The following KIF1A variants were observed in gnomAD, a reference collection of about 807,000 sequenced individuals.
KIF1A encodes the protein kinesin family member 1A, also known as kinesin-like protein KIF1A.
KIF1A carries 46 observed loss-of-function variants against 227.3 expected under a neutral mutation model. That is an observed-to-expected ratio of 0.20 (90% CI 0.16 to 0.26). The LOEUF is 0.26. KIF1A is among the 10% of genes least tolerant of loss of function. KIF1A has a pLI of 1.00. For missense variants in KIF1A, 1,683 were observed against 2,485.9 expected (o/e 0.68, Z 6.87); for synonymous variants, 1,022 against 1,012.8 (o/e 1.01, Z -0.17).
In KIF1A at chr2:240,724,021, A is replaced by T. The variant is rs1441656916; in HGVS notation, c.4272T>A (p.Gly1424=). The T allele has an allele frequency of 1.2e-6, 2 of 1,612,486 alleles. No homozygotes were observed. The highest frequency in any genetic ancestry group is 1.3e-5 in the African/African-American group (1 of 74,924). ...CGTGGCACAGGCTGAGCTCGTACAC[A>T]CCAGTCACACGGTTACTGTGGGGAG... ...LRASESNRVT[G]VYELSLCHVA... The change falls in exon 41 of 49, where the codon GGT becomes GGA. Residue 1424 remains glycine (G), a synonymous_variant. Transcript: ENST00000498729.
chr2:240,784,920 G>T, intron 7 of KIF1A, 69 bp downstream of exon 7: 3 of 1,316,878 alleles, frequency 2.3e-6, no homozygotes, highest in South Asian at 1.2e-5. Flanking sequence ...CCACTGGCCT[G>T]ACCACCACCC....
At chr2:240,756,301 A>C (rs2049843276) in intron 27 of KIF1A, among the ~76,000 whole-genome samples, 1 of 152,242 alleles carries the variant, frequency 6.6e-6, no homozygotes, top group Non-Finnish European at 1.5e-5. Flanking sequence ...ATCTTATGAC[A>C]TTCATATATG....
intron 1 of KIF1A, among the ~76,000 whole-genome samples, chr2:240,816,488 G>C (rs2058335700): frequency 6.6e-6 from 1 of 152,098 alleles, no homozygotes; most frequent in East Asian, 1.9e-4. Flanking sequence ...TAAGCACGAG[G>C]ATGCCTGGAG....
rs755392068 is a variant in KIF1A, at chr2:240,737,054, C to T, written c.4007+9G>A. On this transcript the variant is annotated intron_variant, in intron 38 of 48. Transcript: ENST00000498729. Reference sequence around the variant, plus strand: ...CCTGGGCCCTGTCTCCAGGGAGTCTCCGACTCACCGGTCATCTTGGGCTGG... The same window carrying T: ...CCTGGGCCCTGTCTCCAGGGAGTCTTCGACTCACCGGTCATCTTGGGCTGG... The T allele has an allele frequency of 6.2e-6, 10 of 1,605,358 alleles. No homozygotes were observed. The highest frequency in any genetic ancestry group is 8.5e-6 in the Non-Finnish European group (10 of 1,172,332).
intron 14 of KIF1A, chr2:240,771,379 C>A: frequency 2.0e-6 from 1 of 510,648 alleles, no homozygotes; most frequent in South Asian, 2.1e-5. Flanking sequence ...ACGGGGCCAG[C>A]AGTGGCGCGC....
chr2:240,721,012 G>A lies in KIF1A; in HGVS notation c.4770C>T (p.Leu1590=), dbSNP rs779877210. 5 of 1,611,654 alleles carry A rather than the reference G, an allele frequency of 3.1e-6. No individual in the cohort carries two copies. In the South Asian group the frequency reaches 4.4e-5, roughly 14 times the overall value. ...SKLSEMSVTL[L]RDPSMSPLGV... is the part of the protein sequence containing the mutation. ...CTAGAGGGGACATCGACGGGTCCCG[G>A]AGCAGGGTGACAGACATCTCGGAGA... The change falls in exon 45 of 49, where the codon CTC becomes CTT. Residue 1590 remains leucine, a synonymous_variant. Transcript: ENST00000498729.
At chr2:240,773,384 A>G in intron 12 of KIF1A, 128 bp from the exon 13 acceptor site, 1 of 1,108,700 alleles carries the variant, frequency 9.0e-7, no homozygotes, top group Non-Finnish European at 1.3e-6. Flanking sequence ...GGTGGACCTG[A>G]GCCAGCACAG....
chr2:240,729,735 TAG>T (rs1213246761), intron 38 of KIF1A, among the ~76,000 whole-genome samples: 1 of 152,238 alleles, frequency 6.6e-6, no homozygotes, highest in Non-Finnish European at 1.5e-5. Flanking sequence ...CCCAGTGGAC[TAG>T]AATCTCTCTG....
chr2:240,740,089 G>A lies in KIF1A; in HGVS notation c.3870C>T (p.Ile1290=). 6.3e-7 allele frequency: 1 copy of A among 1,590,058 alleles called. No homozygotes were observed. The highest frequency in any genetic ancestry group is 8.6e-7 in the Non-Finnish European group (1 of 1,168,838). ...CCAGCTCGCGCACTTCCTTCCAGCG[G>A]ATATGGCTGCCTGTCTCATGCAGTA... ...VTLLHETGSH[I]RWKEVRELVV... is the part of the protein sequence containing the mutation. Residue 1290 remains isoleucine, a synonymous_variant, in exon 37 of 49, where the codon ATC becomes ATT. Coordinates refer to ENST00000498729, the MANE Select transcript of KIF1A (RefSeq NM_001244008.2). The surrounding 1 kb of genome is among the most constrained non-coding windows in gnomAD (Gnocchi z 6.1).
At chr2:240,734,099 C>T (rs2047050257) in intron 38 of KIF1A, among the ~76,000 whole-genome samples, 1 of 152,258 alleles carries the variant, frequency 6.6e-6, no homozygotes, top group Non-Finnish European at 1.5e-5. Flanking sequence ...CAAAAGGATG[C>T]TCGGTGGCCA....
intron 17 of KIF1A, 65 bp from the exon 18 acceptor site, chr2:240,767,410 C>T: frequency 1.5e-6 from 2 of 1,328,784 alleles, no homozygotes; most frequent in Non-Finnish European, 2.1e-6. Context: ...GGCCACACCC[C>T]CCTCCAACCT....
intron 38 of KIF1A, among the ~76,000 whole-genome samples, chr2:240,728,106 C>T (rs1382997866): frequency 1.3e-5 from 2 of 152,210 alleles, no homozygotes; most frequent in African/African-American, 2.4e-5. Flanking sequence ...GGGCCCCTCC[C>T]GAGACCGCGG....
In KIF1A at chr2:240,778,852, G is replaced by A. The variant is rs1009841867; in HGVS notation, c.883-2926C>T. Among the ~76,000 whole-genome samples, 10 of 151,452 alleles carry A rather than the reference G, an allele frequency of 6.6e-5. No individual in the cohort carries two copies. The highest frequency in any genetic ancestry group is 6.6e-4 in the Admixed American group (10 of 15,210). Reference sequence around the variant, plus strand: ...CCATGGCTCACACACTTCCTCACACGTTCCTCACACAACCCTTCACGCCAT... The same window carrying A: ...CCATGGCTCACACACTTCCTCACACATTCCTCACACAACCCTTCACGCCAT... On this transcript the variant is annotated intron_variant, in intron 10 of 48. Coordinates refer to ENST00000498729, the MANE Select transcript of KIF1A (RefSeq NM_001244008.2). The surrounding 1 kb of genome is among the most constrained non-coding windows in gnomAD (Gnocchi z 7.2).
At chr2:240,781,846 C>T (rs899602667) in intron 10 of KIF1A, 6 of 985,286 alleles carry the variant, frequency 6.1e-6, no homozygotes, top group Admixed American at 6.1e-5. Flanking sequence ...GTCCACACGC[C>T]TTCTCCCAGT....
chr2:240,766,794 C>T lies in KIF1A; in HGVS notation c.1684+121G>A. ...ACACACACACACACACACGTCCTGC[C>T]TAGAAGTATGACTCGCGACCCACTT... On this transcript the variant is annotated intron_variant, in intron 19 of 48. Coordinates refer to ENST00000498729, the MANE Select transcript of KIF1A (RefSeq NM_001244008.2). The surrounding 1 kb of genome is among the most constrained non-coding windows in gnomAD (Gnocchi z 5.0). 1.6e-6 allele frequency: 1 copy of T among 621,130 alleles called. No individual in the cohort carries two copies. Among genetic ancestry groups the T allele is most frequent in the Middle Eastern group, 2.7e-4 (1 of 3,754 alleles). 38.5% of individuals were successfully genotyped at this position (621,130 alleles called of 1,614,324 possible).
chr2:240,801,029 G>A (rs902470839), intron 1 of KIF1A, among the ~76,000 whole-genome samples: 1 of 151,924 alleles, frequency 6.6e-6, no homozygotes, highest in African/African-American at 2.4e-5. Context: ...TTCAAACCCA[G>A]GATAATCTCT....
rs188068006 is a variant in KIF1A at position 240,783,564 on chromosome 2, G to A, written c.798+175C>T. Among the ~76,000 whole-genome samples, 812 of 152,268 alleles carry A rather than the reference G, an allele frequency of 5.3e-3. 28 individuals carry two copies. Among genetic ancestry groups the A allele is most frequent in the Admixed American group, 0.037 (568 of 15,298 alleles). ...CCTGTGTGCCCAGCGCTGGTGCCCC[G>A]GGCATGGCCCTCGGCTGCTGGCAGC... On this transcript the variant is annotated intron_variant, in intron 8 of 48. Coordinates refer to ENST00000498729, the MANE Select transcript of KIF1A (RefSeq NM_001244008.2).
chr2:240,796,054 T>A (rs2126137998), intron 2 of KIF1A, among the ~76,000 whole-genome samples: 1 of 152,166 alleles, frequency 6.6e-6, no homozygotes, highest in Non-Finnish European at 1.5e-5. Flanking sequence ...ATGTCCTGGG[T>A]CACCTTACAA....
Position 240,746,172 on chromosome 2 carries a change from C to G in KIF1A, c.3069G>C (p.Gln1023His). 4 of 1,562,170 alleles carry G rather than the reference C, an allele frequency of 2.6e-6. No homozygotes were observed. Among genetic ancestry groups the G allele is most frequent in the Non-Finnish European group, 3.5e-6 (4 of 1,153,792 alleles). ...SFDDQHFEKF[Q>H]SESCPVVGMS... ...TCCCCACCACGGGGCAAGACTCGGA[C>G]TGGAACTGATCAGAGGGGGACCAGA... Residue 1023 changes from glutamine to histidine, a missense_variant, in exon 30 of 49, where the codon CAG becomes CAC. This residue lies in a region of KIF1A where 759 missense variants were observed against 1,020.2 expected (regional missense o/e 0.74). Coordinates refer to ENST00000498729, the MANE Select transcript of KIF1A (RefSeq NM_001244008.2).
Sources: allele counts gnomAD v4.1 joint callset (sites outside exome capture counted in the v4.1 genomes callset), GRCh38; gene constraint gnomAD v4.1.1; regional missense constraint gnomAD v4.1.1; non-coding constraint Gnocchi (gnomAD v3.1); transcripts MANE v1.5; gene names NCBI Gene and HGNC (gene_info 2026-07-23, HGNC 2026-07-21).